CTDSP2: variants seen among roughly 807,000 people sequenced by gnomAD.
The protein encoded by CTDSP2 is CTD small phosphatase 2, also known as carboxy-terminal domain RNA polymerase II polypeptide A small phosphatase 2.
A neutral mutation model predicts 31.6 loss-of-function variants in CTDSP2; 9 were observed. The observed-to-expected ratio is 0.28, with a 90% CI of 0.17 to 0.50. The LOEUF (loss-of-function observed/expected upper bound fraction) is 0.50. Among genes scored for constraint, CTDSP2 ranks in the 20% least tolerant of loss-of-function variants. The probability of loss-of-function intolerance (pLI) is 0.98; values close to 1 mark genes in which losing one functional copy is unlikely to be tolerated. For missense variants in CTDSP2, 267 were observed against 348.5 expected (o/e 0.77, Z 1.86); for synonymous variants, 134 against 134.5 (o/e 1.00, Z 0.03).
In CTDSP2 at chr12:57,827,483, C is replaced by T. The variant is rs144322314; in HGVS notation, c.252+69G>A. ...GGCACCAAGGACTATGCACATCACC[C>T]TGCCCGTGGAGCTGGCAGGGATCAC... On this transcript the variant is annotated intron_variant, in intron 3 of 7. Transcript: ENST00000398073. 4.6e-3 allele frequency: 7,182 copies of T among 1,555,980 alleles called. 99 individuals are homozygous for T. Among genetic ancestry groups the T allele is most frequent in the Middle Eastern group, 0.025 (149 of 5,942 alleles).
At chr12:57,827,804 G>A (rs567138772) in intron 2 of CTDSP2, among the ~76,000 whole-genome samples, 3 of 152,312 alleles carry the variant, frequency 2.0e-5, no homozygotes, top group Non-Finnish European at 4.4e-5. Context: ...ATGAAGGATG[G>A]AGAAGACAAG....
At chr12:57,831,151 A>C (rs534588557) in intron 1 of CTDSP2, among the ~76,000 whole-genome samples, 1 of 151,820 alleles carries the variant, frequency 6.6e-6, no homozygotes, top group Non-Finnish European at 1.5e-5. Flanking sequence ...ATCAACTAGA[A>C]ATGGACTTAA....
chr12:57,829,627 C>T (rs759529246), intron 1 of CTDSP2, 31 bp from the exon 2 acceptor site: 3 of 1,601,804 alleles, frequency 1.9e-6, no homozygotes, highest in East Asian at 2.2e-5. Context: ...GAGGCTTTAG[C>T]TCTAGGGACA....
rs1956186477 is a variant in CTDSP2, at chr12:57,826,976, G to A, written c.354+20C>T. ...GAAGGCCCAAGATAAAGGTAGGAAG[G>A]GTTCCAGACATTGAGTTACCTTAAA... On this transcript the variant is annotated intron_variant, in intron 4 of 7. Transcript: ENST00000398073. The A allele has an allele frequency of 2.6e-6, 4 of 1,563,256 alleles. No homozygotes were observed. Among genetic ancestry groups the A allele is most frequent in the Non-Finnish European group, 3.5e-6 (4 of 1,136,150 alleles).
rs1956190787 is a variant in CTDSP2 at position 57,827,571 on chromosome 12, A to G, written c.233T>C (p.Leu78Pro). 6.2e-6 allele frequency: 10 copies of G among 1,613,904 alleles called. No individual in the cohort carries two copies. Among genetic ancestry groups the G allele is most frequent in the Non-Finnish European group, 7.6e-6 (9 of 1,179,988 alleles). ...ACGTACCTGGTAGAACTGGTACTGG[A>G]GACACTGGAGCAGATCCGACTGAGG... Reference protein sequence around the residue: ...TIAKSDLLQCLQYQFYQIPGT... With the variant: ...TIAKSDLLQCPQYQFYQIPGT... The change falls in exon 3 of 8, where the codon CTC (leucine) becomes CCC (proline). Residue 78 changes from leucine (L) to proline (P), a missense_variant. Leu to Pro is a moderately conservative substitution (Grantham distance 98). Coordinates refer to ENST00000398073, the MANE Select transcript of CTDSP2 (RefSeq NM_005730.4).
chr12:57,840,533 C>G (rs1956276453), intron 1 of CTDSP2, among the ~76,000 whole-genome samples: 1 of 152,260 alleles, frequency 6.6e-6, no homozygotes, highest in Admixed American at 6.5e-5. Context: ...TAGCTCTATT[C>G]TGCTGCGGGA....
chr12:57,837,447 T>TG (rs1956254979), intron 1 of CTDSP2, among the ~76,000 whole-genome samples: 1 of 152,158 alleles, frequency 6.6e-6, no homozygotes, highest in Non-Finnish European at 1.5e-5. Context: ...TTTAACACTT[T>TG]GGGGGGCAAA....
intron 3 of CTDSP2, 29 bp downstream of exon 3, chr12:57,827,523 T>C (rs770075496): frequency 3.1e-6 from 5 of 1,613,166 alleles, no homozygotes; most frequent in Non-Finnish European, 4.2e-6. Flanking sequence ...TCCTGGCTTC[T>C]GAGTACTTAC....
At position 57,846,670 on chromosome 12, in the gene CTDSP2, C is replaced by T. The variant is rs1440923902; in HGVS notation, c.-235G>A. Reference sequence around the variant, plus strand: ...GGTGCCCCCGGCCCCGATCCCCCAGCGGCAGCTCCGGGCTCCTCAGTTTGG... The same window carrying T: ...GGTGCCCCCGGCCCCGATCCCCCAGTGGCAGCTCCGGGCTCCTCAGTTTGG... On this transcript the variant is annotated 5_prime_UTR_variant, in exon 1 of 8. Coordinates refer to ENST00000398073, the MANE Select transcript of CTDSP2 (RefSeq NM_005730.4). The T allele has an allele frequency of 6.9e-6, 3 of 436,388 alleles. No individual in the cohort carries two copies. Among genetic ancestry groups the T allele is most frequent in the Non-Finnish European group, 8.0e-6 (2 of 248,824 alleles). The allele number at this position is 436,388 out of a possible 1,614,324, so 27.0% of individuals were successfully genotyped here. A position where few individuals can be genotyped will look rare whatever the true frequency, so the allele number is the denominator to read the frequency against.
At chr12:57,843,677 T>G (rs1482745599) in intron 1 of CTDSP2, among the ~76,000 whole-genome samples, 1 of 152,062 alleles carries the variant, frequency 6.6e-6, no homozygotes, top group Admixed American at 6.5e-5. Context: ...AGGCAAGGCA[T>G]GGAGATGGGA....
chr12:57,824,150 G>A, intron 6 of CTDSP2, 61 bp from the exon 7 acceptor site: 2 of 1,610,260 alleles, frequency 1.2e-6, no homozygotes, highest in South Asian at 1.1e-5. Context: ...ATAACCCTAG[G>A]GACCAAAAGG....
intron 1 of CTDSP2, among the ~76,000 whole-genome samples, chr12:57,833,867 C>T (rs983179684): frequency 6.6e-6 from 1 of 152,236 alleles, no homozygotes; most frequent in East Asian, 1.9e-4. Context: ...TACTGAGCAT[C>T]AAGGATGTGC....
intron 1 of CTDSP2, among the ~76,000 whole-genome samples, chr12:57,835,123 C>CA (rs1370274148): frequency 0.029 from 2,755 of 95,834 alleles, 82 homozygotes; most frequent in African/African-American, 0.09. Flanking sequence ...AATTCCATCT[C>CA]AAAAAAAAAA....
chr12:57,838,908 T>TA (rs1956264176), intron 1 of CTDSP2, among the ~76,000 whole-genome samples: 1 of 152,226 alleles, frequency 6.6e-6, no homozygotes, highest in Non-Finnish European at 1.5e-5. Flanking sequence ...TTCATACTCT[T>TA]ACCTCAGTCT....
rs1283625773 is a variant in CTDSP2, at chr12:57,823,437, C to T, written c.*165G>A. 89 of 726,736 alleles carry T rather than the reference C, an allele frequency of 1.2e-4. No individual in the cohort carries two copies. The highest frequency in any genetic ancestry group is 2.8e-5 in the Admixed American group (1 of 36,242). 45.0% of individuals were successfully genotyped at this position (726,736 alleles called of 1,614,324 possible). On this transcript the variant is annotated 3_prime_UTR_variant, in exon 8 of 8. Transcript: ENST00000398073. ...CTCTGGGTATCATTGGTCTGGCATTCGCCCACTCGGCATCTAAGCTGTCCT... is the reference window on the plus strand; with the variant it reads ...CTCTGGGTATCATTGGTCTGGCATTTGCCCACTCGGCATCTAAGCTGTCCT...
intron 1 of CTDSP2, among the ~76,000 whole-genome samples, chr12:57,838,437 A>G (rs553275467): frequency 6.6e-6 from 1 of 152,138 alleles, no homozygotes; most frequent in Admixed American, 6.5e-5. Context: ...CCTTCCCCCT[A>G]AGGAGGTGTA....
intron 1 of CTDSP2, among the ~76,000 whole-genome samples, chr12:57,844,669 C>A (rs1210377569): frequency 6.6e-6 from 1 of 152,076 alleles, no homozygotes; most frequent in African/African-American, 2.4e-5. Context: ...GGCTCCCTTC[C>A]TTTTTCAGCC....
Position 57,824,066 on chromosome 12 carries a change from C to A in CTDSP2, c.528G>T (p.Leu176=), listed in dbSNP as rs1956167022. 1.2e-6 allele frequency: 2 copies of A among 1,614,084 alleles called. No individual in the cohort carries two copies. The highest frequency in any genetic ancestry group is 2.7e-5 in the African/African-American group (2 of 75,024). Reference sequence around the variant, plus strand: ...CCCGGAACACCCCACACCGGTCCAGCAGGTCTGTCACAGGGTCGGCATACT... The same window carrying A: ...CCCGGAACACCCCACACCGGTCCAGAAGGTCTGTCACAGGGTCGGCATACT... ...LAKYADPVTD[L]LDRCGVFRAR... is the part of the protein sequence containing the mutation. Residue 176 remains leucine (L), a synonymous_variant, in exon 7 of 8, where the codon CTG becomes CTT. Coordinates refer to ENST00000398073, the MANE Select transcript of CTDSP2 (RefSeq NM_005730.4).
rs965713285 is a variant in CTDSP2, at chr12:57,826,231, A to C, written c.411+115T>G. On this transcript the variant is annotated intron_variant, in intron 5 of 7. Coordinates refer to ENST00000398073, the MANE Select transcript of CTDSP2 (RefSeq NM_005730.4). ...AAAAGGGGAGGCTGGAGTTATAGAAAAGGGATCAACTGACAGAACCCAAGC... is the reference window on the plus strand; with the variant it reads ...AAAAGGGGAGGCTGGAGTTATAGAACAGGGATCAACTGACAGAACCCAAGC... 7 of 700,672 alleles carry C rather than the reference A, an allele frequency of 1.0e-5. No individual in the cohort carries two copies. In the African/African-American group the frequency reaches 1.3e-4, roughly 13 times the overall value. The allele number at this position is 700,672 out of a possible 1,614,324, so 43.4% of individuals were successfully genotyped here. A position where few individuals can be genotyped will look rare whatever the true frequency, so the allele number is the denominator to read the frequency against.
Sources: gnomAD v4.1 joint callset for allele counts (sites outside exome capture counted in the v4.1 genomes callset) on GRCh38, gnomAD v4.1.1 for gene constraint, MANE v1.5 for transcripts, NCBI Gene and HGNC (gene_info 2026-07-23, HGNC 2026-07-21) for gene names.